Variants in VWA8 observed in about 807,000 individuals in gnomAD.
VWA8 encodes the protein von Willebrand factor A domain containing 8.
A neutral mutation model predicts 241.5 loss-of-function variants in VWA8; 221 were observed. That is an observed-to-expected ratio of 0.91 (90% CI 0.82 to 1.02). The LOEUF (loss-of-function observed/expected upper bound fraction) is 1.02. Among genes scored for constraint, VWA8 ranks in the 50% least tolerant of loss-of-function variants. VWA8 has a pLI of 0.00. For missense variants in VWA8, 2,322 were observed against 2,328.7 expected (o/e 1.00, Z 0.06); for synonymous variants, 852 against 827.1 (o/e 1.03, Z -0.52).
intron 37 of VWA8, among the ~76,000 whole-genome samples, chr13:41,636,379 G>A (rs1362738211): frequency 6.6e-6 from 1 of 152,146 alleles, no homozygotes; most frequent in Non-Finnish European, 1.5e-5. Flanking sequence ...GCCATATGTA[G>A]AAAGCTGAAA....
rs150590818 is a variant in VWA8, at chr13:41,930,142, C to G, written c.242-17974G>C. On this transcript the variant is annotated intron_variant, in intron 2 of 44. Coordinates refer to ENST00000379310, the MANE Select transcript of VWA8 (RefSeq NM_015058.2). ...GAAAAGGTGCTCAACATCATTAAAT[C>G]AGGAGTCAGGGAAATACAAATCAAA... 3.5e-3 allele frequency among the ~76,000 whole-genome samples: 536 copies of G among 152,228 alleles called. 8 individuals carry two copies. The highest frequency in any genetic ancestry group is 0.012 in the African/African-American group (511 of 41,546).
At chr13:41,862,583 A>C (rs370562931) in intron 12 of VWA8, among the ~76,000 whole-genome samples, 1 of 152,048 alleles carries the variant, frequency 6.6e-6, no homozygotes, top group East Asian at 1.9e-4. Context: ...ACAATTCAAC[A>C]GAGAAAAAAC....
chr13:41,929,881 AG>A (rs753265897), intron 2 of VWA8, among the ~76,000 whole-genome samples: 3 of 152,230 alleles, frequency 2.0e-5, no homozygotes, highest in Non-Finnish European at 2.9e-5. Context: ...AAAACAAATA[AG>A]TGAGACTACA....
At chr13:41,781,464 C>T (rs1361631407) in intron 19 of VWA8, among the ~76,000 whole-genome samples, 1 of 152,080 alleles carries the variant, frequency 6.6e-6, no homozygotes, top group Non-Finnish European at 1.5e-5. Context: ...ACTGCACATA[C>T]TTCCACCACA....
intron 44 of VWA8, among the ~76,000 whole-genome samples, chr13:41,569,036 T>C (rs1024667652): frequency 6.6e-6 from 1 of 152,248 alleles, no homozygotes; most frequent in Non-Finnish European, 1.5e-5. Context: ...GCAACAAAAC[T>C]GTAAGACACA....
At chr13:41,956,157 G>A (rs1878343813) in intron 1 of VWA8, among the ~76,000 whole-genome samples, 1 of 152,142 alleles carries the variant, frequency 6.6e-6, no homozygotes, top group Non-Finnish European at 1.5e-5. Flanking sequence ...TTTGTTGTGA[G>A]GGGCTGTCCT....
At chr13:41,769,306 T>G (rs2045801892) in intron 20 of VWA8, among the ~76,000 whole-genome samples, 1 of 152,280 alleles carries the variant, frequency 6.6e-6, no homozygotes, top group South Asian at 2.1e-4. Context: ...AAAATTGTGG[T>G]CACATTAGAG....
At chr13:41,643,427 T>C (rs190441314) in intron 37 of VWA8, among the ~76,000 whole-genome samples, 8 of 152,344 alleles carry the variant, frequency 5.3e-5, no homozygotes, top group Admixed American at 2.0e-4. Flanking sequence ...CTTAGTACAA[T>C]GCCTAGTGCA....
chr13:41,673,166 T>C (rs1342253482), intron 36 of VWA8, among the ~76,000 whole-genome samples: 1 of 152,210 alleles, frequency 6.6e-6, no homozygotes, highest in African/African-American at 2.4e-5. Flanking sequence ...CCTAAATTTA[T>C]ACACAGCCAC....
chr13:41,662,319 G>A (rs894401510), intron 37 of VWA8, among the ~76,000 whole-genome samples: 2 of 152,022 alleles, frequency 1.3e-5, no homozygotes, highest in Non-Finnish European at 2.9e-5. Context: ...TTTCATTAAT[G>A]TTTTACAGTA....
intron 37 of VWA8, among the ~76,000 whole-genome samples, chr13:41,666,590 A>T (rs1405249161): frequency 1.3e-5 from 2 of 152,182 alleles, no homozygotes; most frequent in African/African-American, 2.4e-5. Context: ...GCTTGAAATC[A>T]TGGTGGGGGT....
intron 31 of VWA8, 76 bp downstream of exon 31, chr13:41,691,798 C>A: frequency 8.6e-7 from 1 of 1,161,906 alleles, no homozygotes; most frequent in South Asian, 1.4e-5. Flanking sequence ...TTATAGTAAA[C>A]AAGTATAATC....
chr13:41,835,466 T>A (rs1871680202), intron 12 of VWA8, among the ~76,000 whole-genome samples: 1 of 152,200 alleles, frequency 6.6e-6, no homozygotes, highest in African/African-American at 2.4e-5. Context: ...ATATGAGCAA[T>A]ATCACTCTCT....
chr13:41,690,652 T>C (rs2045170406), intron 32 of VWA8, among the ~76,000 whole-genome samples: 1 of 152,274 alleles, frequency 6.6e-6, no homozygotes, highest in Non-Finnish European at 1.5e-5. Context: ...ATAGATGCCC[T>C]CACAACTGTA....
intron 29 of VWA8, among the ~76,000 whole-genome samples, chr13:41,697,414 G>C (rs1393754933): frequency 6.6e-6 from 1 of 152,062 alleles, no homozygotes; most frequent in Admixed American, 6.5e-5. Flanking sequence ...TCAGGACCCA[G>C]AAACTTCAAC....
At chr13:41,956,020 T>C (rs1459182819) in intron 1 of VWA8, 3 of 152,240 alleles carry the variant, frequency 2.0e-5, no homozygotes, top group Non-Finnish European at 4.4e-5. Flanking sequence ...AATTCACAAA[T>C]TGTTCTGTGC....
chr13:41,587,892 G>A (rs546194421), intron 41 of VWA8, among the ~76,000 whole-genome samples: 94 of 152,354 alleles, frequency 6.2e-4, no homozygotes, highest in Middle Eastern at 3.4e-3. Flanking sequence ...GGGCCACATG[G>A]AAAATATTTT....
At chr13:41,793,404 A>C (rs1048886449) in intron 17 of VWA8, among the ~76,000 whole-genome samples, 2 of 152,176 alleles carry the variant, frequency 1.3e-5, no homozygotes, top group Admixed American at 1.3e-4. Context: ...TAATAGATGG[A>C]AGTGAAAAGA....
At chr13:41,704,463 C>CTT (rs953332904) in intron 26 of VWA8, among the ~76,000 whole-genome samples, 1 of 9,184 alleles carries the variant, frequency 1.1e-4, no homozygotes. Flanking sequence ...TAAGTCTTCA[C>CTT]TTTTTTTTTT....
Sources: allele counts gnomAD v4.1 joint callset (sites outside exome capture counted in the v4.1 genomes callset), GRCh38; gene constraint gnomAD v4.1.1; transcripts MANE v1.5; gene names NCBI Gene and HGNC (gene_info 2026-07-23, HGNC 2026-07-21).